Variants in SUMF1 observed in about 807,000 individuals in gnomAD.
The protein encoded by SUMF1 is sulfatase modifying factor 1, also known as formylglycine-generating enzyme.
In SUMF1, 48 loss-of-function variants were observed where a neutral mutation model predicts 47.6. That is an observed-to-expected ratio of 1.01 (90% CI 0.80 to 1.28). SUMF1 has a LOEUF of 1.28. SUMF1 is among the 50% of genes most tolerant of loss of function. The probability of loss-of-function intolerance (pLI) is 0.00; values close to 1 mark genes in which losing one functional copy is unlikely to be tolerated. For synonymous variants in SUMF1, 230 were observed against 192.1 expected, an observed-to-expected ratio of 1.20 and a Z score of -1.63; for missense variants, 571 against 485.4, an observed-to-expected ratio of 1.18 and a Z score of -1.66.
At chr3:4,070,705 G>A (rs1574856337) in intron 8 of SUMF1, among the ~76,000 whole-genome samples, 1 of 151,886 alleles carries the variant, frequency 6.6e-6, no homozygotes, top group African/African-American at 2.4e-5. Context: ...GCGCCATCTT[G>A]GCTCACTGCA....
chr3:4,074,513 G>C (rs1371749416), intron 8 of SUMF1, among the ~76,000 whole-genome samples: 1 of 151,886 alleles, frequency 6.6e-6, no homozygotes, highest in African/African-American at 2.4e-5. Context: ...AGGAGAAAGA[G>C]ACACAAAAAA....
At chr3:4,114,100 A>C (rs896123499) in intron 8 of SUMF1, among the ~76,000 whole-genome samples, 4 of 152,128 alleles carry the variant, frequency 2.6e-5, no homozygotes, top group African/African-American at 9.7e-5. Flanking sequence ...GAGATGTCCC[A>C]CACTTAAATT....
At chr3:4,393,558 C>T (rs1189482943) in intron 7 of SUMF1, among the ~76,000 whole-genome samples, 1 of 152,122 alleles carries the variant, frequency 6.6e-6, no homozygotes, top group East Asian at 1.9e-4. Flanking sequence ...GTCTTGAAAT[C>T]CTGGCCTCAA....
intron 8 of SUMF1, among the ~76,000 whole-genome samples, chr3:4,271,840 CT>C (rs970303998): frequency 2.0e-5 from 3 of 152,018 alleles, no homozygotes; most frequent in African/African-American, 7.2e-5. Context: ...AAAATCATAG[CT>C]TGTGCTCAGA....
chr3:4,290,470 C>G (rs567346986), intron 8 of SUMF1, among the ~76,000 whole-genome samples: 14 of 152,258 alleles, frequency 9.2e-5, no homozygotes, highest in Middle Eastern at 3.4e-3. Flanking sequence ...ATCACACCAC[C>G]TTGTGGACCG....
In SUMF1 at chr3:4,418,130, G is replaced by T. The variant is rs147775545; in HGVS notation, c.605C>A (p.Pro202Gln). Reference sequence around the variant, plus strand: ...GGACACATGGAGAACTGGATGATCCGGCCTGGGGAAGAGCAAAAGTAGAAT... The same window carrying T: ...GGACACATGGAGAACTGGATGATCCTGCCTGGGGAAGAGCAAAAGTAGAAT... ...EGPDSTILHRPDHPVLHVSWN... is the reference protein window; with the variant it reads ...EGPDSTILHRQDHPVLHVSWN... Residue 202 changes from proline (P) to glutamine (Q), a missense_variant and splice_region_variant, in exon 5 of 9, where the codon CCG (proline) becomes CAG (glutamine). Coordinates refer to ENST00000272902, the MANE Select transcript of SUMF1 (RefSeq NM_182760.4). 3 of 1,613,904 alleles carry T rather than the reference G, an allele frequency of 1.9e-6. No homozygotes were observed. The Admixed American group carries it at 5.0e-5, about 27-fold the overall frequency.
intron 9 of SUMF1, among the ~76,000 whole-genome samples, chr3:4,053,161 C>T (rs1247711462): frequency 6.6e-6 from 1 of 152,038 alleles, no homozygotes; most frequent in East Asian, 1.9e-4. Flanking sequence ...GGCCTAATTT[C>T]AATATTGTTG....
intron 8 of SUMF1, among the ~76,000 whole-genome samples, chr3:4,110,431 G>A (rs1250205497): frequency 6.6e-6 from 1 of 152,080 alleles, no homozygotes; most frequent in Non-Finnish European, 1.5e-5. Flanking sequence ...GGAAGACAGT[G>A]CGGCAATTCC....
chr3:4,045,128 C>A (rs1694981664), intron 9 of SUMF1, among the ~76,000 whole-genome samples: 1 of 152,108 alleles, frequency 6.6e-6, no homozygotes, highest in Admixed American at 6.6e-5. Flanking sequence ...GATGTGATTA[C>A]AGTCCACAGT....
intron 8 of SUMF1, among the ~76,000 whole-genome samples, chr3:4,330,035 C>G (rs1699019379): frequency 6.6e-6 from 1 of 152,178 alleles, no homozygotes; most frequent in African/African-American, 2.4e-5. Context: ...TAATGTGTAA[C>G]AAGAGTTACC....
chr3:4,042,704 C>A (rs1211625569), intron 9 of SUMF1, among the ~76,000 whole-genome samples: 1 of 152,128 alleles, frequency 6.6e-6, no homozygotes, highest in Non-Finnish European at 1.5e-5. Flanking sequence ...ATGCACTATT[C>A]CCAAATAAAT....
chr3:4,271,601 A>C (rs972222068), intron 8 of SUMF1, among the ~76,000 whole-genome samples: 1 of 152,074 alleles, frequency 6.6e-6, no homozygotes, highest in African/African-American at 2.4e-5. Flanking sequence ...TCCCAGGCTC[A>C]AGTGATTCTC....
At chr3:4,429,125 T>G (rs1702156988) in intron 3 of SUMF1, among the ~76,000 whole-genome samples, 1 of 152,260 alleles carries the variant, frequency 6.6e-6, no homozygotes, top group South Asian at 2.1e-4. Flanking sequence ...TTCATGTACA[T>G]TTTTTGCTTC....
intron 8 of SUMF1, among the ~76,000 whole-genome samples, chr3:4,169,305 G>A (rs1302431058): frequency 6.6e-6 from 1 of 152,116 alleles, no homozygotes; most frequent in Non-Finnish European, 1.5e-5. Context: ...TACAGAAATA[G>A]GAGTTAACAA....
intron 8 of SUMF1, among the ~76,000 whole-genome samples, chr3:4,142,799 G>T (rs1480600098): frequency 6.6e-6 from 1 of 151,996 alleles, no homozygotes; most frequent in Non-Finnish European, 1.5e-5. Context: ...TAATTAGAGG[G>T]GATTTGCAAA....
chr3:4,108,988 G>C (rs1057348272), intron 8 of SUMF1, among the ~76,000 whole-genome samples: 4 of 152,024 alleles, frequency 2.6e-5, no homozygotes, highest in African/African-American at 9.7e-5. Flanking sequence ...TGGTGATTTT[G>C]CTCATTAGTT....
intron 8 of SUMF1, among the ~76,000 whole-genome samples, chr3:4,165,818 T>A (rs539146628): frequency 3.9e-4 from 58 of 147,148 alleles, no homozygotes; most frequent in Admixed American, 1.6e-3. Context: ...CCTGAGTGTT[T>A]CCCAGCTGAA....
At chr3:4,430,653 C>T (rs556145434) in intron 3 of SUMF1, among the ~76,000 whole-genome samples, 7 of 152,138 alleles carry the variant, frequency 4.6e-5, no homozygotes, top group South Asian at 2.1e-4. Flanking sequence ...TGCTAGCCCC[C>T]GGGGATACAG....
At chr3:4,442,147 C>G (rs1428878758) in intron 3 of SUMF1, among the ~76,000 whole-genome samples, 1 of 152,028 alleles carries the variant, frequency 6.6e-6, no homozygotes, top group Non-Finnish European at 1.5e-5. Context: ...GACAGTTTGA[C>G]AACAGTAGCT....
Sources: gnomAD v4.1 joint callset for allele counts (sites outside exome capture counted in the v4.1 genomes callset) on GRCh38, gnomAD v4.1.1 for gene constraint, MANE v1.5 for transcripts, NCBI Gene and HGNC (gene_info 2026-07-23, HGNC 2026-07-21) for gene names.